Variants in DOCK1 observed in about 807,000 individuals in gnomAD.
DOCK1 encodes dedicator of cytokinesis protein 1.
In DOCK1, 138 loss-of-function variants were observed where a neutral mutation model predicts 262.7. That is an observed-to-expected ratio of 0.53 (90% confidence interval 0.46 to 0.61). The LOEUF (loss-of-function observed/expected upper bound fraction) is 0.61, where lower values mean the gene tolerates loss of function less well. Ranked by LOEUF, DOCK1 falls within the 20% of genes least tolerant of loss-of-function variation. The pLI is 0.00. For synonymous variants in DOCK1, 866 were observed against 867.4 expected, an observed-to-expected ratio of 1.00 and a Z score of 0.03; for missense variants, 1,908 against 2,370.7, an observed-to-expected ratio of 0.80 and a Z score of 4.05.
chr10:126,929,524 C>T lies in DOCK1; in HGVS notation c.46+23961C>T, dbSNP rs979603521. ...GAAGCTTCACCAAGGAGGCTCCTGG[C>T]GAGCCTTGGAGGACGCCGAGGATGT... On this transcript the variant is annotated intron_variant, in intron 1 of 51. Transcript: ENST00000623213. 3.3e-5 allele frequency among the ~76,000 whole-genome samples: 5 copies of T among 152,076 alleles called. No individual in the cohort carries two copies. In the East Asian group the frequency reaches 7.8e-4, roughly 24 times the overall value.
chr10:127,395,135 G>C (rs2066744680), intron 38 of DOCK1, among the ~76,000 whole-genome samples: 1 of 152,222 alleles, frequency 6.6e-6, no homozygotes, highest in Non-Finnish European at 1.5e-5. Context: ...CATTCTGGGA[G>C]ATAGCAGTGC....
chr10:126,931,022 G>A (rs2034147285), intron 1 of DOCK1, among the ~76,000 whole-genome samples: 1 of 152,120 alleles, frequency 6.6e-6, no homozygotes. Flanking sequence ...TCCCTGCGTC[G>A]AGGATGGGGG....
chr10:126,993,738 C>T (rs1451486235), intron 6 of DOCK1, among the ~76,000 whole-genome samples: 1 of 152,160 alleles, frequency 6.6e-6, no homozygotes, highest in Non-Finnish European at 1.5e-5. Context: ...CCCAGTTGGT[C>T]CTCCTGCTTC....
At chr10:127,217,210 G>C (rs900828619) in intron 27 of DOCK1, among the ~76,000 whole-genome samples, 1 of 152,176 alleles carries the variant, frequency 6.6e-6, no homozygotes, top group Non-Finnish European at 1.5e-5. Context: ...ACTTTACCTG[G>C]GGTTAGTTTT....
chr10:127,084,776 T>C (rs2047102274), intron 23 of DOCK1, among the ~76,000 whole-genome samples: 1 of 152,136 alleles, frequency 6.6e-6, no homozygotes, highest in Non-Finnish European at 1.5e-5. Context: ...GCACAGAGAC[T>C]CCAGCAAATG....
chr10:127,234,450 AAGG>A lies in DOCK1; in HGVS notation c.2848-13555_2848-13553del, dbSNP rs375921564. 1.4e-3 allele frequency among the ~76,000 whole-genome samples: 211 copies of A among 152,290 alleles called. 1 individual carries two copies. In the South Asian group the frequency reaches 0.019, roughly 14 times the overall value. Reference sequence around the variant, plus strand: ...CTCCCTCCAAAAGACACAAAAATAAAAGGAGCTGTTAAAGATCCGTATGATGAA... The same window carrying A: ...CTCCCTCCAAAAGACACAAAAATAAAAGCTGTTAAAGATCCGTATGATGAA... On this transcript the variant is annotated intron_variant, in intron 27 of 51. Coordinates refer to ENST00000623213, the MANE Select transcript of DOCK1 (RefSeq NM_001290223.2).
intron 20 of DOCK1, 110 bp downstream of exon 20, chr10:127,042,824 A>G: frequency 8.5e-7 from 1 of 1,177,012 alleles, no homozygotes; most frequent in Non-Finnish European, 1.2e-6. Flanking sequence ...ACGCATTTTC[A>G]GTTGTAAATC....
At chr10:127,317,000 G>A (rs1056811379) in intron 29 of DOCK1, among the ~76,000 whole-genome samples, 34 of 152,270 alleles carry the variant, frequency 2.2e-4, no homozygotes, top group African/African-American at 7.9e-4. Context: ...ACTGGCTAAA[G>A]CGAGCTGACT....
At chr10:127,008,138 C>T (rs1390818034) in intron 10 of DOCK1, among the ~76,000 whole-genome samples, 1 of 152,168 alleles carries the variant, frequency 6.6e-6, no homozygotes, top group Non-Finnish European at 1.5e-5. Flanking sequence ...CACTCTGTCA[C>T]TCAGGCTGGA....
intron 29 of DOCK1, among the ~76,000 whole-genome samples, chr10:127,336,771 C>T (rs1401248926): frequency 4.6e-5 from 7 of 152,120 alleles, no homozygotes; most frequent in Non-Finnish European, 7.3e-5. Context: ...AATCTCCTGA[C>T]CTCGTGATTC....
intron 27 of DOCK1, among the ~76,000 whole-genome samples, chr10:127,168,804 G>A (rs1402665223): frequency 6.6e-6 from 1 of 152,192 alleles, no homozygotes; most frequent in Non-Finnish European, 1.5e-5. Context: ...TGATTCCTCA[G>A]CGTTTATGCA....
In DOCK1 at chr10:127,114,569, C is replaced by T. The variant is rs534030049; in HGVS notation, c.2623+4215C>T. Among the ~76,000 whole-genome samples, 164 of 152,020 alleles carry T rather than the reference C, an allele frequency of 1.1e-3. 1 individual carries two copies. The highest frequency in any genetic ancestry group is 3.9e-3 in the African/African-American group (161 of 41,422). ...TCTATTTGCATCTGATCTAATCATT[C>T]CTGTTTTCTGGAAATAGGAGGGGGG... On this transcript the variant is annotated intron_variant, in intron 25 of 51. Coordinates refer to ENST00000623213, the MANE Select transcript of DOCK1 (RefSeq NM_001290223.2).
intron 1 of DOCK1, among the ~76,000 whole-genome samples, chr10:126,946,313 G>C (rs953417024): frequency 0.01 from 1,522 of 152,190 alleles, 12 homozygotes; most frequent in Middle Eastern, 0.027. Context: ...TTGGGAGGCC[G>C]AGGTGGGTGG....
At chr10:126,934,546 A>T (rs2034420199) in intron 1 of DOCK1, among the ~76,000 whole-genome samples, 2 of 152,236 alleles carry the variant, frequency 1.3e-5, no homozygotes, top group Non-Finnish European at 2.9e-5. Context: ...TATCTTTAAA[A>T]ATCACTGATA....
intron 46 of DOCK1, among the ~76,000 whole-genome samples, chr10:127,423,970 A>G (rs2134526376): frequency 6.6e-6 from 1 of 152,332 alleles, no homozygotes; most frequent in Admixed American, 6.5e-5. Flanking sequence ...ACAGCAAATC[A>G]GGGCTCTGGA....
chr10:127,389,127 T>A (rs1376002169), intron 38 of DOCK1, among the ~76,000 whole-genome samples: 1 of 152,160 alleles, frequency 6.6e-6, no homozygotes, highest in South Asian at 2.1e-4. Context: ...AGAAGCAGCC[T>A]GAGAGAATGG....
intron 27 of DOCK1, among the ~76,000 whole-genome samples, chr10:127,160,185 C>T (rs11016542): frequency 1.3e-3 from 199 of 151,434 alleles, no homozygotes; most frequent in Non-Finnish European, 2.0e-3. Flanking sequence ...AAGCAAAGAC[C>T]GAGAAAGTGA....
intron 29 of DOCK1, among the ~76,000 whole-genome samples, chr10:127,261,596 T>C (rs2060122151): frequency 7.7e-6 from 1 of 129,178 alleles, no homozygotes; most frequent in Non-Finnish European, 1.6e-5. Flanking sequence ...CATGTGGGTG[T>C]GTGCCTGCAT....
chr10:126,918,877 G>T (rs751463928), intron 1 of DOCK1, among the ~76,000 whole-genome samples: 1 of 110,572 alleles, frequency 9.0e-6, no homozygotes, highest in Non-Finnish European at 2.0e-5. Context: ...CTGGCAGGGT[G>T]TGCAGGTGGG....
Sources: allele counts gnomAD v4.1 joint callset (sites outside exome capture counted in the v4.1 genomes callset), GRCh38; gene constraint gnomAD v4.1.1; transcripts MANE v1.5; gene names NCBI Gene and HGNC (gene_info 2026-07-23, HGNC 2026-07-21).